HS3ST5: variants seen among roughly 807,000 people sequenced by gnomAD.
HS3ST5 encodes heparan sulfate-glucosamine 3-sulfotransferase 5, also known as heparan sulfate glucosamine 3-O-sulfotransferase 5.
Under a neutral mutation model 25.4 loss-of-function variants are expected in HS3ST5, and 10 were observed. That is an observed-to-expected ratio of 0.39 (90% CI 0.24 to 0.67). The LOEUF (loss-of-function observed/expected upper bound fraction) is 0.67, where lower values mean the gene tolerates loss of function less well. HS3ST5 is among the 30% of genes least tolerant of loss of function. The probability of loss-of-function intolerance (pLI) is 0.44; values close to 1 mark genes in which losing one functional copy is unlikely to be tolerated. For missense variants in HS3ST5, 324 were observed against 420.7 expected, an observed-to-expected ratio of 0.77 and a Z score of 2.01; for synonymous variants, 170 against 162.4, an observed-to-expected ratio of 1.05 and a Z score of -0.36.
Position 114,055,683 on chromosome 6 carries a change from ACAAT to A in HS3ST5, c.*1570_*1573del, listed in dbSNP as rs1484364100. 3.3e-5 allele frequency: 5 copies of A among 152,212 alleles called. No homozygotes were observed. The highest frequency in any genetic ancestry group is 6.5e-5 in the Admixed American group (1 of 15,276). The allele number at this position is 152,212 out of a possible 1,614,324, so 9.4% of individuals were successfully genotyped here. ...CTCATGGAGAAAATCAACACTTATT[ACAAT>A]CAAAGGGGAATCCATTGTAATTTTC... On this transcript the variant is annotated 3_prime_UTR_variant, in exon 5 of 5. Coordinates refer to ENST00000312719, the MANE Select transcript of HS3ST5 (RefSeq NM_153612.4).
chr6:114,061,777 C>G (rs111747652), intron 4 of HS3ST5, among the ~76,000 whole-genome samples: 119 of 152,248 alleles, frequency 7.8e-4, no homozygotes, highest in African/African-American at 2.6e-3. Context: ...CAGTGAAACC[C>G]TGTCTCTACT....
intron 3 of HS3ST5, among the ~76,000 whole-genome samples, chr6:114,077,792 T>C (rs1313488651): frequency 6.6e-6 from 1 of 152,228 alleles, no homozygotes; most frequent in Non-Finnish European, 1.5e-5. Context: ...GTTTTTGTTT[T>C]TAATGAAGAC....
At chr6:114,231,869 T>C (rs181725274) in intron 1 of HS3ST5, among the ~76,000 whole-genome samples, 1 of 151,572 alleles carries the variant, frequency 6.6e-6, no homozygotes, top group Non-Finnish European at 1.5e-5. Context: ...AAAACCTGCA[T>C]GAAATTAGGT....
chr6:114,291,017 G>T (rs1302690510), intron 1 of HS3ST5, among the ~76,000 whole-genome samples: 3 of 152,066 alleles, frequency 2.0e-5, no homozygotes, highest in African/African-American at 7.2e-5. Context: ...ACCCTACTCA[G>T]TCTCTTTCTA....
At chr6:114,167,342 G>C (rs1044494196) in intron 3 of HS3ST5, 3 of 152,110 alleles carry the variant, frequency 2.0e-5, no homozygotes, top group Admixed American at 6.6e-5. Flanking sequence ...ATGTTTTATA[G>C]CATTATGGAG....
chr6:114,275,770 C>T (rs1773824780), intron 1 of HS3ST5, among the ~76,000 whole-genome samples: 1 of 151,944 alleles, frequency 6.6e-6, no homozygotes, highest in African/African-American at 2.4e-5. Context: ...ATATAATATT[C>T]ACACATCACA....
At chr6:114,108,173 C>T (rs1259077043) in intron 3 of HS3ST5, among the ~76,000 whole-genome samples, 2 of 152,114 alleles carry the variant, frequency 1.3e-5, no homozygotes, top group Non-Finnish European at 2.9e-5. Flanking sequence ...GAATTACTAA[C>T]TATAACAAGG....
rs552693040 is a variant in HS3ST5 at position 114,213,266 on chromosome 6, C to T, written c.-145+15319G>A. ...CTTCTCCTCTCCTCTCCTTTCCTCT[C>T]CTCTCCTCTTCTCTCCTTCTTTGCT... On this transcript the variant is annotated intron_variant, in intron 2 of 4. Coordinates refer to ENST00000312719, the MANE Select transcript of HS3ST5 (RefSeq NM_153612.4). Among the ~76,000 whole-genome samples, 479 of 148,128 alleles carry T rather than the reference C, an allele frequency of 3.2e-3. 2 individuals carry two copies. Among genetic ancestry groups the T allele is most frequent in the Non-Finnish European group, 5.4e-3 (361 of 67,384 alleles).
intron 3 of HS3ST5, among the ~76,000 whole-genome samples, chr6:114,164,335 T>C (rs990614744): frequency 2.0e-5 from 3 of 152,188 alleles, no homozygotes; most frequent in African/African-American, 7.2e-5. Flanking sequence ...TCATTATTCT[T>C]GCAACCCATT....
At chr6:114,186,096 TGG>T (rs1382074551) in intron 2 of HS3ST5, among the ~76,000 whole-genome samples, 1 of 152,030 alleles carries the variant, frequency 6.6e-6, no homozygotes, top group Non-Finnish European at 1.5e-5. Context: ...TTCCTCTCCT[TGG>T]GCCTCCCTAT....
rs1582821716 is a variant in HS3ST5, at chr6:114,331,638, A to T, written c.-339+10557T>A. Among the ~76,000 whole-genome samples the T allele has an allele frequency of 2.0e-5, 3 of 152,216 alleles. No individual in the cohort carries two copies. The East Asian group carries it at 5.8e-4, about 29-fold the overall frequency. On this transcript the variant is annotated intron_variant, in intron 1 of 4. Coordinates refer to ENST00000312719, the MANE Select transcript of HS3ST5 (RefSeq NM_153612.4). ...TTTTACATGTTATATTTTTGAAACT[A>T]ATTTCTTATTTTACTTGCATATATA...
intron 2 of HS3ST5, among the ~76,000 whole-genome samples, chr6:114,188,389 T>A (rs1780335919): frequency 6.6e-6 from 1 of 152,204 alleles, no homozygotes; most frequent in South Asian, 2.1e-4. Context: ...ATCATATCTG[T>A]CTCACTGTTG....
intron 2 of HS3ST5, among the ~76,000 whole-genome samples, chr6:114,224,727 T>A (rs1782210131): frequency 6.8e-6 from 1 of 147,468 alleles, no homozygotes; most frequent in South Asian, 2.2e-4. Flanking sequence ...CACACCGACT[T>A]CTTTCTGTTG....
intron 1 of HS3ST5, among the ~76,000 whole-genome samples, chr6:114,254,156 C>G (rs1388574251): frequency 6.6e-6 from 1 of 152,192 alleles, no homozygotes; most frequent in African/African-American, 2.4e-5. Context: ...ATGAAGCGCA[C>G]TGCAGTGGTG....
At chr6:114,137,340 A>G (rs1464550913) in intron 3 of HS3ST5, among the ~76,000 whole-genome samples, 1 of 152,162 alleles carries the variant, frequency 6.6e-6, no homozygotes. Context: ...AAGCCACTTA[A>G]TTTTGTCAAG....
At chr6:114,243,563 A>C (rs1357613402) in intron 1 of HS3ST5, among the ~76,000 whole-genome samples, 1 of 152,152 alleles carries the variant, frequency 6.6e-6, no homozygotes, top group African/African-American at 2.4e-5. Context: ...CACAGTTCTT[A>C]ATTTTCCAAG....
intron 3 of HS3ST5, among the ~76,000 whole-genome samples, chr6:114,129,279 G>A (rs969993015): frequency 2.4e-4 from 30 of 127,158 alleles, no homozygotes; most frequent in African/African-American, 3.3e-4. Context: ...TTTTTGAGAC[G>A]GAGTCTTGCT....
At chr6:114,083,465 A>C (rs1195697201) in intron 3 of HS3ST5, among the ~76,000 whole-genome samples, 1 of 152,032 alleles carries the variant, frequency 6.6e-6, no homozygotes, top group Non-Finnish European at 1.5e-5. Context: ...GGTGGAACTC[A>C]CACTACCTCC....
In HS3ST5 at chr6:114,241,090, T is replaced by G. The variant is rs182180060; in HGVS notation, c.-338-12312A>C. Among the ~76,000 whole-genome samples the G allele has an allele frequency of 2.1e-3, 316 of 151,962 alleles. 1 individual carries two copies. The highest frequency in any genetic ancestry group is 7.2e-3 in the African/African-American group (299 of 41,480). On this transcript the variant is annotated intron_variant, in intron 1 of 4. Transcript: ENST00000312719. Reference sequence around the variant, plus strand: ...TTCATACCTTTTAAAAGAAAGCTCTTTCAGTTCTTTAAGCTATGTTTATAT... The same window carrying G: ...TTCATACCTTTTAAAAGAAAGCTCTGTCAGTTCTTTAAGCTATGTTTATAT...
Sources: gnomAD v4.1 joint callset for allele counts (sites outside exome capture counted in the v4.1 genomes callset) on GRCh38, gnomAD v4.1.1 for gene constraint, MANE v1.5 for transcripts, NCBI Gene and HGNC (gene_info 2026-07-23, HGNC 2026-07-21) for gene names.